Variants in PALMD observed in about 807,000 individuals in gnomAD.
PALMD encodes the protein palmdelphin, also known as paralemmin-like protein.
PALMD carries 42 observed loss-of-function variants against 56.2 expected under a neutral mutation model. The ratio of observed to expected loss-of-function variants is 0.75; its 90% CI spans 0.58 to 0.97. PALMD has a LOEUF of 0.97. Ranked by LOEUF, PALMD falls within the 50% of genes least tolerant of loss-of-function variation. The pLI, the probability that PALMD is intolerant of heterozygous loss-of-function variation, is 0.00. For missense variants in PALMD, 660 were observed against 643.8 expected (o/e 1.03, Z -0.27); for synonymous variants, 242 against 222.9 (o/e 1.09, Z -0.76).
At chr1:99,650,349 A>ACTG (rs1266481150) in intron 1 of PALMD, among the ~76,000 whole-genome samples, 1 of 149,668 alleles carries the variant, frequency 6.7e-6, no homozygotes, top group Non-Finnish European at 1.5e-5. Flanking sequence ...TCAACTCCCT[A>ACTG]CTGCTTTCCA....
chr1:99,662,814 G>A (rs977215544), intron 2 of PALMD, among the ~76,000 whole-genome samples: 5 of 152,196 alleles, frequency 3.3e-5, no homozygotes, highest in African/African-American at 1.2e-4. Context: ...GGTCAAGGAT[G>A]CTTGTATTTA....
intron 3 of PALMD, among the ~76,000 whole-genome samples, chr1:99,682,139 A>G (rs989644103): frequency 2.0e-5 from 3 of 152,150 alleles, no homozygotes; most frequent in Admixed American, 6.5e-5. Flanking sequence ...AGAGCAGCAA[A>G]TCTCTAACAT....
At chr1:99,687,403 C>T (rs765052961) in intron 6 of PALMD, among the ~76,000 whole-genome samples, 2 of 152,088 alleles carry the variant, frequency 1.3e-5, no homozygotes, top group African/African-American at 2.4e-5. Context: ...ACAAACCAGA[C>T]AGGGATAAGG....
chr1:99,667,046 T>C (rs992497100), intron 2 of PALMD, among the ~76,000 whole-genome samples: 31 of 152,178 alleles, frequency 2.0e-4, no homozygotes, highest in Non-Finnish European at 2.9e-5. Context: ...GGGAGCTAAG[T>C]AGGCAAAACA....
At chr1:99,680,865 T>C (rs1297206743) in intron 3 of PALMD, among the ~76,000 whole-genome samples, 2 of 151,974 alleles carry the variant, frequency 1.3e-5, no homozygotes, top group Admixed American at 1.3e-4. Flanking sequence ...TATATATATA[T>C]TGCCTTCTGG....
At chr1:99,677,823 CAA>C (rs1653247384) in intron 3 of PALMD, among the ~76,000 whole-genome samples, 1 of 151,972 alleles carries the variant, frequency 6.6e-6, no homozygotes, top group Non-Finnish European at 1.5e-5. Context: ...GACAGGTTGT[CAA>C]AAAAGACTAG....
chr1:99,646,777 A>G (rs1380644185), intron 1 of PALMD, among the ~76,000 whole-genome samples: 1 of 152,242 alleles, frequency 6.6e-6, no homozygotes, highest in African/African-American at 2.4e-5. Context: ...TTTTTTAAAG[A>G]GAGAAAAAGA....
chr1:99,655,438 C>A (rs569158401), intron 1 of PALMD, among the ~76,000 whole-genome samples: 6 of 152,232 alleles, frequency 3.9e-5, no homozygotes, highest in South Asian at 2.1e-4. Context: ...CTGCTACCAC[C>A]TAGACCTATT....
intron 1 of PALMD, among the ~76,000 whole-genome samples, chr1:99,655,575 G>A (rs1331675766): frequency 6.6e-6 from 1 of 151,946 alleles, no homozygotes; most frequent in Non-Finnish European, 1.5e-5. Flanking sequence ...AAAAAAACTG[G>A]GTCATTTGCC....
chr1:99,671,184 G>A (rs1653079482), intron 3 of PALMD, among the ~76,000 whole-genome samples: 1 of 152,186 alleles, frequency 6.6e-6, no homozygotes, highest in South Asian at 2.1e-4. Flanking sequence ...TCAGCTAGAG[G>A]ATAAGATTTT....
intron 3 of PALMD, among the ~76,000 whole-genome samples, chr1:99,677,666 C>T (rs1188892229): frequency 1.3e-5 from 2 of 152,132 alleles, no homozygotes; most frequent in African/African-American, 4.8e-5. Flanking sequence ...CCAGAATTTA[C>T]TCACATGGTA....
At chr1:99,678,966 T>TAAAAA (rs34330678) in intron 3 of PALMD, among the ~76,000 whole-genome samples, 1 of 140,548 alleles carries the variant, frequency 7.1e-6, no homozygotes, top group African/African-American at 2.6e-5. Flanking sequence ...CCTTGACTCT[T>TAAAAA]AAAAAAAAAA....
chr1:99,678,165 G>C (rs947273219), intron 3 of PALMD, among the ~76,000 whole-genome samples: 1 of 149,332 alleles, frequency 6.7e-6, no homozygotes, highest in Non-Finnish European at 1.5e-5. Context: ...CTGGAGTGCC[G>C]TGGCATGAAC....
chr1:99,688,575 A>C (rs1653568537), intron 6 of PALMD, among the ~76,000 whole-genome samples, 200 bp from the exon 7 acceptor site: 1 of 152,164 alleles, frequency 6.6e-6, no homozygotes, highest in African/African-American at 2.4e-5. Flanking sequence ...ACAATTCCCT[A>C]CACCATTACA....
At position 99,660,041 on chromosome 1, in the gene PALMD, T is replaced by C. The variant is rs1331234979; in HGVS notation, c.46-2278T>C. On this transcript the variant is annotated intron_variant, in intron 1 of 7. Coordinates refer to ENST00000263174, the MANE Select transcript of PALMD (RefSeq NM_017734.5). Reference sequence around the variant, plus strand: ...ATGAGCAGGGGTGGGGAGGCATTGCTGGGTTCAGCAATCCTGTCCACCCCA... The same window carrying C: ...ATGAGCAGGGGTGGGGAGGCATTGCCGGGTTCAGCAATCCTGTCCACCCCA... Among the ~76,000 whole-genome samples, 4 of 152,198 alleles carry C rather than the reference T, an allele frequency of 2.6e-5. No homozygotes were observed. In the East Asian group the frequency reaches 7.7e-4, roughly 29 times the overall value.
chr1:99,689,626 G>A lies in PALMD; in HGVS notation c.1366G>A (p.Gly456Arg). The A allele has an allele frequency of 1.2e-6, 2 of 1,613,798 alleles. No homozygotes were observed. Among genetic ancestry groups the A allele is most frequent in the Non-Finnish European group, 1.7e-6 (2 of 1,179,866 alleles). The part of the protein sequence containing the change: ...VIDDEEEEDE[G>R]EAEKPSYHPI... ...TGATGATGAGGAGGAGGAGGATGAAGGAGAAGCAGAGAAACCGTCCTACCA... is the reference window on the plus strand; with the variant it reads ...TGATGATGAGGAGGAGGAGGATGAAAGAGAAGCAGAGAAACCGTCCTACCA... Residue 456 changes from glycine (G) to arginine (R), a missense_variant, in exon 7 of 8, where the codon GGA becomes AGA. Physicochemically the swap from Gly to Arg is moderately radical, Grantham distance 125. Transcript: ENST00000263174.
intron 3 of PALMD, chr1:99,668,876 T>G (rs1427880113): frequency 6.6e-6 from 1 of 152,220 alleles, no homozygotes; most frequent in Non-Finnish European, 1.5e-5. Flanking sequence ...AAGGCCAGAA[T>G]CATTTTCTAA....
At chr1:99,669,211 ATAAC>A (rs1305297638) in intron 3 of PALMD, 5 of 152,092 alleles carry the variant, frequency 3.3e-5, no homozygotes, top group African/African-American at 4.8e-5. Flanking sequence ...AATAGCTAAA[ATAAC>A]TGACTGTTCA....
intron 1 of PALMD, among the ~76,000 whole-genome samples, chr1:99,649,663 C>G (rs578221375): frequency 6.6e-6 from 1 of 152,170 alleles, no homozygotes; most frequent in African/African-American, 2.4e-5. Flanking sequence ...ACATCTCCTC[C>G]ACAGCTAATA....
Sources: gnomAD v4.1 joint callset for allele counts (sites outside exome capture counted in the v4.1 genomes callset) on GRCh38, gnomAD v4.1.1 for gene constraint, MANE v1.5 for transcripts, NCBI Gene and HGNC (gene_info 2026-07-23, HGNC 2026-07-21) for gene names.